The following GTSE1 variants were observed in gnomAD, a reference collection of about 807,000 sequenced individuals.
GTSE1 encodes the protein G2 and S-phase expressed 1, also known as G2 and S phase-expressed protein 1.
A neutral mutation model predicts 60.5 loss-of-function variants in GTSE1; 52 were observed. That is an observed-to-expected ratio of 0.86 (90% confidence interval 0.69 to 1.08). The LOEUF is 1.08. GTSE1 is among the 50% of genes least tolerant of loss of function. The pLI is 0.00. For missense variants in GTSE1, 937 were observed against 961.8 expected (o/e 0.97, Z 0.34); for synonymous variants, 368 against 386.5 (o/e 0.95, Z 0.56).
At chr22:46,303,448 T>C (rs1423435613) in intron 2 of GTSE1, among the ~76,000 whole-genome samples, 1 of 152,232 alleles carries the variant, frequency 6.6e-6, no homozygotes, top group Non-Finnish European at 1.5e-5. Flanking sequence ...TAGTTTCCAG[T>C]TGATCTTCTT....
At chr22:46,315,096 A>G (rs2077771206) in intron 6 of GTSE1, among the ~76,000 whole-genome samples, 1 of 139,854 alleles carries the variant, frequency 7.2e-6, no homozygotes, top group Non-Finnish European at 1.5e-5. Flanking sequence ...GTCTCACTCT[A>G]TTGCCAGGTT....
At chr22:46,326,897 G>A (rs2077847818) in intron 9 of GTSE1, 1 of 396,918 alleles carries the variant, frequency 2.5e-6, no homozygotes. Context: ...AAACCTAATG[G>A]TTTTCTAAAA....
chr22:46,317,033 C>T lies in GTSE1; in HGVS notation c.1432+621C>T, dbSNP rs531216769. Among the ~76,000 whole-genome samples, 8 of 152,182 alleles carry T rather than the reference C, an allele frequency of 5.3e-5. No individual in the cohort carries two copies. In the East Asian group the frequency reaches 5.8e-4, roughly 11 times the overall value. Reference sequence around the variant, plus strand: ...GTGGAATGCAGTGGCGCGATCTCAGCGCACTGTAACCTCCACCTACCGAGT... The same window carrying T: ...GTGGAATGCAGTGGCGCGATCTCAGTGCACTGTAACCTCCACCTACCGAGT... On this transcript the variant is annotated intron_variant, in intron 7 of 11. Transcript: ENST00000454366. This position sits in a 1 kb window ranked among gnomAD's most constrained non-coding sequence, Gnocchi z 5.6.
intron 9 of GTSE1, 90 bp downstream of exon 9, chr22:46,326,744 G>T: frequency 1.2e-6 from 1 of 853,510 alleles, no homozygotes; most frequent in South Asian, 2.0e-5. Context: ...CTTGCTCCAG[G>T]TTTTAGTGAA....
In GTSE1 at chr22:46,308,600, A is replaced by G. The variant is rs1310544002; in HGVS notation, c.419A>G (p.Glu140Gly). ...RSQGVERFIQ[E>G]SKLKINLFEK... ...CAGGGCGTGGAAAGATTCATACAGGAGTCAAAATTAAAAATAAACCTCTTT... is the reference window on the plus strand; with the variant it reads ...CAGGGCGTGGAAAGATTCATACAGGGGTCAAAATTAAAAATAAACCTCTTT... Residue 140 changes from glutamate to glycine, a missense_variant, in exon 4 of 12, where the codon GAG becomes GGG. Glu to Gly is a moderately conservative substitution (Grantham distance 98). Coordinates refer to ENST00000454366, the MANE Select transcript of GTSE1 (RefSeq NM_016426.7). The G allele has an allele frequency of 6.2e-7, 1 of 1,614,110 alleles. No homozygotes were observed. The highest frequency in any genetic ancestry group is 8.5e-7 in the Non-Finnish European group (1 of 1,179,980).
chr22:46,323,938 C>T (rs949792228), intron 8 of GTSE1, among the ~76,000 whole-genome samples: 5 of 151,712 alleles, frequency 3.3e-5, no homozygotes, highest in African/African-American at 1.2e-4. Context: ...GTGATCCGCC[C>T]GCCTCTGCCT....
At chr22:46,300,531 C>T (rs5767046) in intron 2 of GTSE1, among the ~76,000 whole-genome samples, 5 of 152,228 alleles carry the variant, frequency 3.3e-5, no homozygotes, top group African/African-American at 1.2e-4. Context: ...ACTCTGACTT[C>T]TGACCCGTTC....
Position 46,316,211 on chromosome 22 carries a change from A to C in GTSE1, c.1231A>C (p.Thr411Pro), listed in dbSNP as rs368317895. ...DVSELAAEQL[T>P]APPSASPTQP... is the part of the protein sequence containing the mutation. Reference sequence around the variant, plus strand: ...TTCTGAGCTGGCAGCGGAGCAGCTCACGGCACCCCCCTCAGCATCCCCCAC... The same window carrying C: ...TTCTGAGCTGGCAGCGGAGCAGCTCCCGGCACCCCCCTCAGCATCCCCCAC... Residue 411 changes from threonine to proline, a missense_variant, in exon 7 of 12, where the codon ACG (threonine) becomes CCG (proline). Coordinates refer to ENST00000454366, the MANE Select transcript of GTSE1 (RefSeq NM_016426.7). The surrounding 1 kb of genome is among the most constrained non-coding windows in gnomAD (Gnocchi z 5.0). 1 of 1,613,722 alleles carries C rather than the reference A, an allele frequency of 6.2e-7. No individual in the cohort carries two copies. The highest frequency in any genetic ancestry group is 8.5e-7 in the Non-Finnish European group (1 of 1,179,950).
rs144426690 is a variant in GTSE1, at chr22:46,320,573, C to A, written c.1433-2617C>A. Among the ~76,000 whole-genome samples the A allele has an allele frequency of 6.6e-6, 1 of 152,238 alleles. No individual in the cohort carries two copies. The highest frequency in any genetic ancestry group is 2.4e-5 in the African/African-American group (1 of 41,468). On this transcript the variant is annotated intron_variant, in intron 7 of 11. Transcript: ENST00000454366. This position sits in a 1 kb window ranked among gnomAD's most constrained non-coding sequence, Gnocchi z 7.1. ...AGGAGAGGTGAGGGCTGAGGGCACT[C>A]ACAGCGTGGGACCACATGAACGGTG... is the stretch of plus-strand genomic sequence containing the variant.
chr22:46,306,938 C>T (rs971503451), intron 2 of GTSE1, among the ~76,000 whole-genome samples: 3 of 152,200 alleles, frequency 2.0e-5, no homozygotes, highest in Admixed American at 6.5e-5. Flanking sequence ...TAGTGTTAGA[C>T]ACTGTTATCT....
intron 7 of GTSE1, among the ~76,000 whole-genome samples, chr22:46,322,368 G>A (rs1186360217): frequency 1.3e-5 from 2 of 152,200 alleles, no homozygotes; most frequent in African/African-American, 4.8e-5. Context: ...TGGTGCTGGG[G>A]TAAGGGGCTC....
intron 9 of GTSE1, among the ~76,000 whole-genome samples, chr22:46,328,338 T>G (rs922909632): frequency 6.6e-6 from 1 of 152,204 alleles, no homozygotes; most frequent in Non-Finnish European, 1.5e-5. Flanking sequence ...ACTAGCTGCA[T>G]GCGAGGAGGA....
In GTSE1 at chr22:46,309,206, A is replaced by C. The variant is rs2147818253; in HGVS notation, c.762+263A>C. On this transcript the variant is annotated intron_variant, in intron 4 of 11. Transcript: ENST00000454366. This position sits in a 1 kb window ranked among gnomAD's most constrained non-coding sequence, Gnocchi z 6.2. Reference sequence around the variant, plus strand: ...TTTGTTACAATGCTGGATATACCACACAGTAGGGATTTCATTTGCTTTAAT... The same window carrying C: ...TTTGTTACAATGCTGGATATACCACCCAGTAGGGATTTCATTTGCTTTAAT... 6.6e-6 allele frequency among the ~76,000 whole-genome samples: 1 copy of C among 152,328 alleles called. No individual in the cohort carries two copies. Among genetic ancestry groups the C allele is most frequent in the East Asian group, 1.9e-4 (1 of 5,188 alleles).
chr22:46,314,454 C>CTGCGGCT lies in GTSE1; in HGVS notation c.1051+444_1051+445insGGCTTGC, dbSNP rs2077767088. Among the ~76,000 whole-genome samples, 1 of 152,160 alleles carries CTGCGGCT rather than the reference C, an allele frequency of 6.6e-6. No homozygotes were observed. Among genetic ancestry groups the CTGCGGCT allele is most frequent in the African/African-American group, 2.4e-5 (1 of 41,442 alleles). On this transcript the variant is annotated intron_variant, in intron 6 of 11. Coordinates refer to ENST00000454366, the MANE Select transcript of GTSE1 (RefSeq NM_016426.7). The surrounding 1 kb of genome is among the most constrained non-coding windows in gnomAD (Gnocchi z 7.1). ...ACATTTCAACCTTGCCAAGCCACAG[C>CTGCGGCT]TGCCATCTAGTGGTAAGGGAAAGCC...
intron 8 of GTSE1, among the ~76,000 whole-genome samples, chr22:46,325,594 C>T (rs1404786822): frequency 2.0e-5 from 3 of 152,218 alleles, no homozygotes; most frequent in Admixed American, 2.0e-4. Context: ...CTCCTGGGTT[C>T]AAGTGATCCT....
At position 46,320,269 on chromosome 22, in the gene GTSE1, G is replaced by A. The variant is rs1303454334; in HGVS notation, c.1433-2921G>A. ...CCTGTTTCCCAGAGCGTGTCCCTGC[G>A]GTCTCCTTACGCACCTCTCAGATGT... On this transcript the variant is annotated intron_variant, in intron 7 of 11. Transcript: ENST00000454366. The surrounding 1 kb of genome is among the most constrained non-coding windows in gnomAD (Gnocchi z 7.1). 3.3e-5 allele frequency among the ~76,000 whole-genome samples: 5 copies of A among 152,140 alleles called. No individual in the cohort carries two copies. The highest frequency in any genetic ancestry group is 7.3e-5 in the Non-Finnish European group (5 of 68,030).
rs2077764910 is a variant in GTSE1 at position 46,314,075 on chromosome 22, C to T, written c.1051+62C>T. 2 of 1,595,594 alleles carry T rather than the reference C, an allele frequency of 1.3e-6. No individual in the cohort carries two copies. The highest frequency in any genetic ancestry group is 1.7e-6 in the Non-Finnish European group (2 of 1,166,280). On this transcript the variant is annotated intron_variant, in intron 6 of 11. Transcript: ENST00000454366. This position sits in a 1 kb window ranked among gnomAD's most constrained non-coding sequence, Gnocchi z 7.1. ...GCCAGGTGAGGCCTGGAGTGCTGCT[C>T]AGGCCTTGGAGACTGTTTCTGCAGA...
intron 2 of GTSE1, among the ~76,000 whole-genome samples, chr22:46,305,440 T>C (rs2077710261): frequency 6.6e-6 from 1 of 151,774 alleles, no homozygotes; most frequent in African/African-American, 2.4e-5. Context: ...AAACCCCGTC[T>C]CTACTAGAAA....
At position 46,314,250 on chromosome 22, in the gene GTSE1, C is replaced by G. The variant is rs961423056; in HGVS notation, c.1051+237C>G. ...GCTTCAGTCTACGGGGTACACATGG[C>G]CAGAAAGCATGTATGATACCCCGTG... On this transcript the variant is annotated intron_variant, in intron 6 of 11. Transcript: ENST00000454366. This position sits in a 1 kb window ranked among gnomAD's most constrained non-coding sequence, Gnocchi z 7.1. 6.6e-6 allele frequency among the ~76,000 whole-genome samples: 1 copy of G among 152,176 alleles called. No individual in the cohort carries two copies. The highest frequency in any genetic ancestry group is 1.5e-5 in the Non-Finnish European group (1 of 68,048).
Sources: gnomAD v4.1 joint callset for allele counts (sites outside exome capture counted in the v4.1 genomes callset) on GRCh38, gnomAD v4.1.1 for gene constraint, Gnocchi (gnomAD v3.1) non-coding constraint, MANE v1.5 for transcripts, NCBI Gene and HGNC (gene_info 2026-07-23, HGNC 2026-07-21) for gene names.